PTCHD4: variants seen among roughly 807,000 people sequenced by gnomAD.
PTCHD4 encodes patched domain containing 4.
PTCHD4 carries 33 observed loss-of-function variants against 58.1 expected under a neutral mutation model. The ratio of observed to expected loss-of-function variants is 0.57; its 90% CI spans 0.43 to 0.76. The LOEUF (loss-of-function observed/expected upper bound fraction) is 0.76, where lower values mean the gene tolerates loss of function less well. Ranked by LOEUF, PTCHD4 falls within the 30% of genes least tolerant of loss-of-function variation. PTCHD4 has a pLI of 0.00. For synonymous variants in PTCHD4, 478 were observed against 409.6 expected (o/e 1.17, Z -2.02); for missense variants, 1,058 against 1,027.1 (o/e 1.03, Z -0.41).
chr6:48,045,603 A>G (rs1464879488), intron 3 of PTCHD4, among the ~76,000 whole-genome samples: 1 of 151,816 alleles, frequency 6.6e-6, no homozygotes, highest in Non-Finnish European at 1.5e-5. Flanking sequence ...ACTGAAAAGC[A>G]TGTCTCATTT....
chr6:47,957,859 C>T (rs911805323), intron 4 of PTCHD4, among the ~76,000 whole-genome samples: 4 of 152,064 alleles, frequency 2.6e-5, no homozygotes, highest in Admixed American at 2.6e-4. Context: ...CCACCTCGGC[C>T]TCCCAAAGTG....
chr6:48,085,502 G>A (rs1765246672), intron 1 of PTCHD4, among the ~76,000 whole-genome samples: 1 of 152,126 alleles, frequency 6.6e-6, no homozygotes, highest in African/African-American at 2.4e-5. Context: ...CAAGAACCAA[G>A]AAAAGCCTCT....
intron 4 of PTCHD4, among the ~76,000 whole-genome samples, chr6:47,905,043 T>TCTCACACA (rs200426899): frequency 1.5e-5 from 2 of 131,568 alleles, no homozygotes; most frequent in Admixed American, 8.3e-5. Context: ...AATACAGCCA[T>TCTCACACA]CACACACACA....
intron 4 of PTCHD4, among the ~76,000 whole-genome samples, chr6:47,891,661 C>A (rs917548391): frequency 6.6e-6 from 1 of 152,140 alleles, no homozygotes; most frequent in African/African-American, 2.4e-5. Context: ...ACCATGCTCC[C>A]TTGAATTCTC....
intron 4 of PTCHD4, among the ~76,000 whole-genome samples, chr6:47,936,877 A>C (rs2113916475): frequency 6.6e-6 from 1 of 152,364 alleles, no homozygotes; most frequent in East Asian, 1.9e-4. Flanking sequence ...TGATCCAAAA[A>C]CGCTCCAGTC....
In PTCHD4 at chr6:48,095,551, G is replaced by A. The variant is rs1161121859; in HGVS notation, c.-970+15498C>T. Among the ~76,000 whole-genome samples, 6 of 151,936 alleles carry A rather than the reference G, an allele frequency of 3.9e-5. 1 individual carries two copies. The South Asian group carries it at 6.2e-4, about 16-fold the overall frequency. On this transcript the variant is annotated intron_variant, in intron 1 of 4. Transcript: ENST00000339488. ...ACAAAAAAAATTAACCGGGTGTGGC[G>A]TGGCGGGGGGTGACTGTAGTCCCAG...
intron 3 of PTCHD4, among the ~76,000 whole-genome samples, chr6:48,021,288 C>A (rs1395503084): frequency 1.3e-5 from 2 of 152,026 alleles, no homozygotes; most frequent in Non-Finnish European, 2.9e-5. Context: ...CAACAGATTT[C>A]TGGCTGCTAA....
intron 4 of PTCHD4, among the ~76,000 whole-genome samples, chr6:47,975,945 T>C (rs1767676737): frequency 6.6e-6 from 1 of 152,222 alleles, no homozygotes; most frequent in African/African-American, 2.4e-5. Context: ...CTGCCCCTTT[T>C]GAACATCATT....
intron 3 of PTCHD4, among the ~76,000 whole-genome samples, chr6:48,049,913 A>T (rs564231612): frequency 6.6e-6 from 1 of 150,648 alleles, no homozygotes; most frequent in South Asian, 2.1e-4. Flanking sequence ...AGTTTCCCCC[A>T]GTCAAAATTT....
rs1261556753 is a variant in PTCHD4, at chr6:48,068,920, C to T, written c.5+33G>A. Among the ~76,000 whole-genome samples the T allele has an allele frequency of 2.6e-5, 4 of 151,692 alleles. No homozygotes were observed. Among genetic ancestry groups the T allele is most frequent in the Admixed American group, 6.6e-5 (1 of 15,256 alleles). ...GGGCCCACCCCCTCCCCGGTCTCCC[C>T]GCGCCCTCGCCGCCTCCCGCGCTGG... On this transcript the variant is annotated intron_variant, in intron 2 of 4. Transcript: ENST00000339488. This position sits in a 1 kb window ranked among gnomAD's most constrained non-coding sequence, Gnocchi z 4.2.
chr6:47,978,884 T>G (rs1396528270), intron 4 of PTCHD4, among the ~76,000 whole-genome samples: 2 of 152,168 alleles, frequency 1.3e-5, no homozygotes, highest in Non-Finnish European at 2.9e-5. Flanking sequence ...ATATCAAGAT[T>G]CTATTAAACT....
intron 3 of PTCHD4, among the ~76,000 whole-genome samples, chr6:48,050,218 C>T (rs1299590466): frequency 6.6e-6 from 1 of 151,844 alleles, no homozygotes; most frequent in Non-Finnish European, 1.5e-5. Flanking sequence ...GGCAGAAATT[C>T]GATCAATTAC....
chr6:47,871,581 T>C lies in PTCHD4; in HGVS notation c.*6722A>G, dbSNP rs1205426711. Reference sequence around the variant, plus strand: ...TATTATGTTAACCAGAATGTATAAGTGGGACTGCATATAGGAGTGCTCATT... The same window carrying C: ...TATTATGTTAACCAGAATGTATAAGCGGGACTGCATATAGGAGTGCTCATT... On this transcript the variant is annotated 3_prime_UTR_variant, in exon 5 of 5. Transcript: ENST00000339488. 1.3e-5 allele frequency among the ~76,000 whole-genome samples: 2 copies of C among 151,646 alleles called. No individual in the cohort carries two copies. Among genetic ancestry groups the C allele is most frequent in the African/African-American group, 4.8e-5 (2 of 41,388 alleles).
chr6:48,061,168 T>G (rs1351170921), intron 3 of PTCHD4, among the ~76,000 whole-genome samples: 1 of 152,230 alleles, frequency 6.6e-6, no homozygotes, highest in Non-Finnish European at 1.5e-5. Context: ...CTGCCACTAT[T>G]GTGAAATAAC....
At chr6:47,928,115 T>A (rs1481198845) in intron 4 of PTCHD4, among the ~76,000 whole-genome samples, 1 of 152,212 alleles carries the variant, frequency 6.6e-6, no homozygotes, top group Non-Finnish European at 1.5e-5. Flanking sequence ...CTTCATCCAG[T>A]GGCTTTGTTT....
chr6:47,895,810 G>A (rs1027160595), intron 4 of PTCHD4, among the ~76,000 whole-genome samples: 1 of 151,916 alleles, frequency 6.6e-6, no homozygotes, highest in East Asian at 1.9e-4. Flanking sequence ...CCCATACTTC[G>A]AATACTGGAG....
intron 4 of PTCHD4, among the ~76,000 whole-genome samples, chr6:47,981,338 G>A (rs1767876470): frequency 6.6e-6 from 1 of 152,012 alleles, no homozygotes; most frequent in African/African-American, 2.4e-5. Context: ...TTCCAAAGCA[G>A]CTCACTTCTC....
chr6:47,880,815 G>A (rs1363745216), intron 4 of PTCHD4, among the ~76,000 whole-genome samples: 1 of 152,186 alleles, frequency 6.6e-6, no homozygotes, highest in African/African-American at 2.4e-5. Flanking sequence ...CTGTAATTTT[G>A]AGGAATTTCA....
chr6:47,987,419 T>TAAAAAAAAAAAAAA (rs748765717), intron 4 of PTCHD4, among the ~76,000 whole-genome samples: 1 of 138,960 alleles, frequency 7.2e-6, no homozygotes, highest in Non-Finnish European at 1.6e-5. Context: ...AAAAAAAGAT[T>TAAAAAAAAAAAAAA]AAAAAAAAAA....
Sources: gnomAD v4.1 joint callset for allele counts (sites outside exome capture counted in the v4.1 genomes callset) on GRCh38, gnomAD v4.1.1 for gene constraint, Gnocchi (gnomAD v3.1) non-coding constraint, MANE v1.5 for transcripts, NCBI Gene and HGNC (gene_info 2026-07-23, HGNC 2026-07-21) for gene names.